Variants in DMD observed in about 807,000 individuals in gnomAD.
DMD encodes dystrophin.
Under a neutral mutation model 330.1 loss-of-function variants are expected in DMD, and 63 were observed. The ratio of observed to expected loss-of-function variants is 0.19; its 90% CI spans 0.16 to 0.24. The LOEUF (loss-of-function observed/expected upper bound fraction) is 0.24. Ranked by LOEUF, DMD falls within the 10% of genes least tolerant of loss-of-function variation. The probability of loss-of-function intolerance (pLI) is 1.00; values close to 1 mark genes in which losing one functional copy is unlikely to be tolerated. For synonymous variants in DMD, 1,223 were observed against 959.8 expected (o/e 1.27, Z -5.07); for missense variants, 3,344 against 2,684.1 (o/e 1.25, Z -5.43).
intron 21 of DMD, among the ~76,000 whole-genome samples, chrX:32,476,240 T>C (rs1246668585): frequency 9.0e-6 from 1 of 111,571 alleles, no homozygotes; most frequent in African/African-American, 3.3e-5. Context: ...GAATTATTGA[T>C]CTTTTTCTGT....
intron 74 of DMD, among the ~76,000 whole-genome samples, chrX:31,152,947 C>CATACATATGCATGTGT (rs2037624219): frequency 8.9e-6 from 1 of 112,497 alleles, no homozygotes. Context: ...TTTGCATGTG[C>CATACATATGCATGTGT]ATACATATGC....
intron 77 of DMD, among the ~76,000 whole-genome samples, chrX:31,129,064 A>C (rs2034131439): frequency 9.0e-6 from 1 of 111,309 alleles, no homozygotes; most frequent in Non-Finnish European, 1.9e-5. Flanking sequence ...GAAATGAATC[A>C]AGACAAAAGG....
intron 56 of DMD, among the ~76,000 whole-genome samples, chrX:31,506,845 T>A (rs984975242): frequency 6.2e-5 from 7 of 112,411 alleles, no homozygotes; most frequent in Non-Finnish European, 1.3e-4. Context: ...TTACAGGTTT[T>A]ATATTATATA....
intron 12 of DMD, among the ~76,000 whole-genome samples, 177 bp from the exon 13 acceptor site, chrX:32,596,053 T>A (rs1195179054): frequency 8.9e-6 from 1 of 111,969 alleles, no homozygotes; most frequent in Non-Finnish European, 1.9e-5. Context: ...AATTTATATG[T>A]TCTATTGTTA....
At chrX:31,543,064 G>T (rs2073927109) in intron 55 of DMD, among the ~76,000 whole-genome samples, 1 of 112,457 alleles carries the variant, frequency 8.9e-6, no homozygotes, top group African/African-American at 3.2e-5. Flanking sequence ...ATTCCCCTTT[G>T]GGCTGGCTGA....
At chrX:31,706,961 G>A (rs1276880334) in intron 52 of DMD, among the ~76,000 whole-genome samples, 1 of 112,035 alleles carries the variant, frequency 8.9e-6, no homozygotes, top group Non-Finnish European at 1.9e-5. Context: ...AAGAGGTTCA[G>A]AACAGAATTA....
chrX:32,952,083 G>C (rs2091282661), intron 2 of DMD, among the ~76,000 whole-genome samples: 1 of 110,236 alleles, frequency 9.1e-6, no homozygotes, highest in African/African-American at 3.3e-5. Flanking sequence ...ATGAAAAAGG[G>C]CTATTTCTCA....
chrX:32,070,438 G>T (rs2096287775), intron 44 of DMD, among the ~76,000 whole-genome samples: 1 of 111,001 alleles, frequency 9.0e-6, no homozygotes, highest in South Asian at 3.8e-4. Flanking sequence ...GTGAATGAGT[G>T]CAGTCTACAA....
At chrX:32,713,368 G>C in intron 7 of DMD, among the ~76,000 whole-genome samples, 1 of 111,142 alleles carries the variant, frequency 9.0e-6, no homozygotes, top group Non-Finnish European at 1.9e-5. Context: ...CATTAAGCTG[G>C]TGGGAAGTAC....
intron 2 of DMD, among the ~76,000 whole-genome samples, chrX:32,858,511 G>C (rs1361677399): frequency 3.6e-5 from 4 of 110,930 alleles, no homozygotes; most frequent in Non-Finnish European, 5.7e-5. Context: ...TGTATTTTTA[G>C]TAGAGACGGG....
intron 67 of DMD, among the ~76,000 whole-genome samples, chrX:31,197,687 AT>A (rs1241498679): frequency 1.8e-5 from 2 of 111,730 alleles, no homozygotes; most frequent in East Asian, 2.8e-4. Context: ...CATATTGAAT[AT>A]AAAGTTGGTA....
chrX:32,820,196 T>C (rs1398917778), intron 5 of DMD, among the ~76,000 whole-genome samples: 1 of 112,088 alleles, frequency 8.9e-6, no homozygotes, highest in Non-Finnish European at 1.9e-5. Flanking sequence ...TCCAAACACT[T>C]TGGGAGGCCG....
intron 1 of DMD, among the ~76,000 whole-genome samples, chrX:33,236,508 A>G (rs946788854): frequency 1.4e-4 from 15 of 106,741 alleles, no homozygotes; most frequent in African/African-American, 5.2e-4. Flanking sequence ...CAAGTGACCC[A>G]CCCAACTTGG....
chrX:32,327,167 C>T (rs1321620423), intron 41 of DMD, among the ~76,000 whole-genome samples: 1 of 90,496 alleles, frequency 1.1e-5, no homozygotes, highest in East Asian at 3.4e-4. Flanking sequence ...CCTTCTGTCC[C>T]ATTTTGACTT....
intron 18 of DMD, among the ~76,000 whole-genome samples, chrX:32,509,588 T>C (rs764980396): frequency 3.6e-5 from 4 of 111,865 alleles, no homozygotes; most frequent in Non-Finnish European, 7.5e-5. Flanking sequence ...TCAAAACTGC[T>C]CTTATCAGTC....
intron 18 of DMD, chrX:32,516,450 C>A (rs758330400): frequency 1.3e-4 from 15 of 111,216 alleles, no homozygotes; most frequent in Non-Finnish European, 2.8e-4. Context: ...GTCATGCTCC[C>A]GCTATTGATA....
chrX:32,441,014 G>A (rs1474194854), intron 28 of DMD, among the ~76,000 whole-genome samples, 166 bp downstream of exon 28: 1 of 110,887 alleles, frequency 9.0e-6, no homozygotes, highest in African/African-American at 3.3e-5. Flanking sequence ...TGACCTAGAA[G>A]GTTATTAGGG....
chrX:31,202,125 G>A (rs1179089797), intron 67 of DMD, among the ~76,000 whole-genome samples: 1 of 111,499 alleles, frequency 9.0e-6, no homozygotes, highest in East Asian at 2.8e-4. Context: ...GGCGGAGGTT[G>A]CAGTGAGCCG....
chrX:32,102,919 G>A (rs939141337), intron 44 of DMD, among the ~76,000 whole-genome samples: 2 of 111,832 alleles, frequency 1.8e-5, no homozygotes, highest in South Asian at 7.4e-4. Context: ...ACTTATCACT[G>A]AGAATTTATA....
Sources: gnomAD v4.1 joint callset for allele counts (sites outside exome capture counted in the v4.1 genomes callset) on GRCh38, gnomAD v4.1.1 for gene constraint, MANE v1.5 for transcripts, NCBI Gene and HGNC (gene_info 2026-07-23, HGNC 2026-07-21) for gene names.